The following ATAD2 variants were observed in gnomAD, a reference collection of about 807,000 sequenced individuals.
ATAD2 encodes ATPase family AAA domain containing 2.
ATAD2 carries 62 observed loss-of-function variants against 168.9 expected under a neutral mutation model. The observed-to-expected ratio is 0.37, with a 90% CI of 0.30 to 0.45. ATAD2 has a LOEUF of 0.45. Among genes scored for constraint, ATAD2 ranks in the 20% least tolerant of loss-of-function variants. The pLI, the probability that ATAD2 is intolerant of heterozygous loss-of-function variation, is 1.00. For missense variants in ATAD2, 1,419 were observed against 1,667.8 expected (o/e 0.85, Z 2.60); for synonymous variants, 613 against 571.6 (o/e 1.07, Z -1.03).
At chr8:123,361,723 T>C in intron 8 of ATAD2, 77 bp from the exon 9 acceptor site, 1 of 1,151,200 alleles carries the variant, frequency 8.7e-7, no homozygotes, top group Non-Finnish European at 1.3e-6. Flanking sequence ...GCATCAGAAA[T>C]ACCTAATGCT....
intron 13 of ATAD2, among the ~76,000 whole-genome samples, chr8:123,353,602 T>A (rs1563846291): frequency 6.6e-6 from 1 of 152,052 alleles, no homozygotes; most frequent in East Asian, 1.9e-4. Flanking sequence ...CATTACAAAG[T>A]ATTCCAGGCT....
chr8:123,391,203 G>T (rs550949216), intron 1 of ATAD2, among the ~76,000 whole-genome samples: 16 of 151,724 alleles, frequency 1.1e-4, no homozygotes, highest in Admixed American at 5.9e-4. Context: ...TCTGATTCTG[G>T]AAGAAAAAGA....
intron 1 of ATAD2, among the ~76,000 whole-genome samples, chr8:123,410,855 G>C (rs1012635349): frequency 6.6e-6 from 1 of 152,212 alleles, no homozygotes; most frequent in Admixed American, 6.5e-5. Context: ...CTGATCCAGC[G>C]AGGCGCCCAT....
intron 22 of ATAD2, among the ~76,000 whole-genome samples, chr8:123,334,837 T>C (rs918543954): frequency 1.3e-5 from 2 of 152,114 alleles, no homozygotes; most frequent in African/African-American, 4.8e-5. Context: ...ACGGAATAAG[T>C]GAATGCAGGA....
intron 2 of ATAD2, among the ~76,000 whole-genome samples, chr8:123,379,384 C>T (rs996886572): frequency 6.6e-6 from 1 of 152,100 alleles, no homozygotes; most frequent in African/African-American, 2.4e-5. Flanking sequence ...TGAATGAAGG[C>T]TTTGTATAGA....
At chr8:123,382,085 C>A (rs1586899263) in intron 1 of ATAD2, among the ~76,000 whole-genome samples, 1 of 152,078 alleles carries the variant, frequency 6.6e-6, no homozygotes, top group South Asian at 2.1e-4. Context: ...AAATCAAAGT[C>A]AAAGGTTCCT....
chr8:123,346,178 T>C lies in ATAD2; in HGVS notation c.2440A>G (p.Ile814Val). 1 of 1,613,410 alleles carries C rather than the reference T, an allele frequency of 6.2e-7. No homozygotes were observed. The highest frequency in any genetic ancestry group is 8.5e-7 in the Non-Finnish European group (1 of 1,179,662). Reference sequence around the variant, plus strand: ...ACAGTAAACTTTTCCAAAGCATGAATGACAGCTGGTGCCAAGTGAGAACCT... The same window carrying C: ...ACAGTAAACTTTTCCAAAGCATGAACGACAGCTGGTGCCAAGTGAGAACCT... ...GQGSHLAPAV[I>V]HALEKFTVYT... is the part of the protein sequence containing the mutation. Residue 814 changes from isoleucine (I) to valine (V), a missense_variant, in exon 18 of 28, where the codon ATT (isoleucine) becomes GTT (valine). By Grantham distance (29) the Ile-to-Val change is conservative. This residue lies in a region of ATAD2 where 545 missense variants were observed against 724.9 expected (regional missense o/e 0.75). Coordinates refer to ENST00000287394, the MANE Select transcript of ATAD2 (RefSeq NM_014109.4).
In ATAD2 at chr8:123,369,921, ATCATCATCATCATCATCATCATCG is replaced by A; in HGVS notation, c.807_830del (p.Asp270_Asp277del). 7.1e-6 allele frequency: 10 copies of A among 1,415,560 alleles called. No homozygotes were observed. Among genetic ancestry groups the A allele is most frequent in the Non-Finnish European group, 9.7e-6 (10 of 1,027,508 alleles). The allele number at this position is 1,415,560 out of a possible 1,614,324, so 87.7% of individuals were successfully genotyped here. On this transcript the variant is annotated inframe_deletion, in exon 7 of 28. Coordinates refer to ENST00000287394, the MANE Select transcript of ATAD2 (RefSeq NM_014109.4). Reference sequence around the variant, plus strand: ...CATCTTCTTCATCTTCATCATCTTCATCATCATCATCATCATCATCATCGTCATCATCATCATCATCTTCATCAT... The same window carrying A: ...CATCTTCTTCATCTTCATCATCTTCATCATCATCATCATCATCTTCATCAT...
chr8:123,324,405 G>T (rs150860993), intron 26 of ATAD2, among the ~76,000 whole-genome samples: 1 of 152,262 alleles, frequency 6.6e-6, no homozygotes, highest in Non-Finnish European at 1.5e-5. Flanking sequence ...AGGTAAATTG[G>T]AATTGGGATG....
At chr8:123,383,559 A>G (rs544777646) in intron 1 of ATAD2, among the ~76,000 whole-genome samples, 2 of 150,886 alleles carry the variant, frequency 1.3e-5, no homozygotes, top group East Asian at 3.9e-4. Flanking sequence ...ATCACCTGAG[A>G]TTGGGAGTTC....
intron 1 of ATAD2, among the ~76,000 whole-genome samples, chr8:123,414,570 G>C (rs974011514): frequency 1.3e-5 from 2 of 152,206 alleles, no homozygotes; most frequent in Non-Finnish European, 2.9e-5. Context: ...GCTGTAGTGA[G>C]CTATGATTGC....
At position 123,396,254 on chromosome 8, in the gene ATAD2, C is replaced by T. The variant is rs1284575264; in HGVS notation, c.104G>A (p.Gly35Asp). The change falls in exon 1 of 28, where the codon GGC (glycine) becomes GAC (aspartate). Residue 35 changes from glycine to aspartate, a missense_variant. This residue lies in a region of ATAD2 where 419 missense variants were observed against 423.5 expected (regional missense o/e 0.99). Coordinates refer to ENST00000287394, the MANE Select transcript of ATAD2 (RefSeq NM_014109.4). ...SSDFLSLEHI[G>D]RRRLRSAGAA... Reference sequence around the variant, plus strand: ...GCCGGCCGAGCGGAGCCGCCTCCGGCCGATGTGCTCCAGACTGAGGAAGTC... The same window carrying T: ...GCCGGCCGAGCGGAGCCGCCTCCGGTCGATGTGCTCCAGACTGAGGAAGTC... The T allele has an allele frequency of 6.2e-7, 1 of 1,609,664 alleles. No individual in the cohort carries two copies. The highest frequency in any genetic ancestry group is 1.3e-5 in the African/African-American group (1 of 74,936).
chr8:123,325,828 C>A lies in ATAD2; in HGVS notation c.4002+65G>T. The A allele has an allele frequency of 5.1e-6, 8 of 1,573,220 alleles. No homozygotes were observed. In the Admixed American group the frequency reaches 1.4e-4, roughly 28 times the overall value. ...CCCATGTAGCCAGAATGCTACTAGT[C>A]ACAAGCCAGTGTTTGGGGATTAGTA... is the stretch of plus-strand genomic sequence containing the variant. On this transcript the variant is annotated intron_variant, in intron 26 of 27. Transcript: ENST00000287394.
chr8:123,364,539 A>T (rs901456250), intron 8 of ATAD2, among the ~76,000 whole-genome samples: 4 of 152,194 alleles, frequency 2.6e-5, no homozygotes, highest in African/African-American at 9.6e-5. Context: ...AATACTAGCT[A>T]ATCGAATCCA....
intron 2 of ATAD2, among the ~76,000 whole-genome samples, chr8:123,378,713 A>AAC (rs942962524): frequency 2.0e-4 from 30 of 151,568 alleles, no homozygotes; most frequent in Non-Finnish European, 3.7e-4. Flanking sequence ...AAAAAAAAAA[A>AAC]AAAAAAAAAA....
intron 6 of ATAD2, among the ~76,000 whole-genome samples, chr8:123,370,577 T>C (rs949396732): frequency 2.0e-5 from 3 of 152,134 alleles, no homozygotes; most frequent in African/African-American, 7.2e-5. Context: ...TAATAGATTA[T>C]GGTAATTAAG....
intron 18 of ATAD2, among the ~76,000 whole-genome samples, chr8:123,345,333 CA>C (rs1361820131): frequency 1.3e-5 from 2 of 151,818 alleles, no homozygotes; most frequent in Admixed American, 1.3e-4. Context: ...CAAAAGTAAA[CA>C]AAACTACAAA....
At chr8:123,323,819 T>G (rs546531099) in intron 26 of ATAD2, among the ~76,000 whole-genome samples, 1 of 152,256 alleles carries the variant, frequency 6.6e-6, no homozygotes, top group Admixed American at 6.5e-5. Context: ...GGCCATTATT[T>G]ATTGCATGCC....
chr8:123,403,535 C>G (rs1418469807), intron 1 of ATAD2, among the ~76,000 whole-genome samples: 1 of 152,004 alleles, frequency 6.6e-6, no homozygotes. Context: ...CTCCTGGATT[C>G]AACCAATCCT....
Sources: allele counts gnomAD v4.1 joint callset (sites outside exome capture counted in the v4.1 genomes callset), GRCh38; gene constraint gnomAD v4.1.1; regional missense constraint gnomAD v4.1.1; transcripts MANE v1.5; gene names NCBI Gene and HGNC (gene_info 2026-07-23, HGNC 2026-07-21).